The following OPTN variants were observed in gnomAD, a reference collection of about 807,000 sequenced individuals.
OPTN encodes the protein optineurin.
Under a neutral mutation model 70.4 loss-of-function variants are expected in OPTN, and 54 were observed. The observed-to-expected ratio is 0.77, with a 90% CI of 0.62 to 0.96. The LOEUF is 0.96. Among genes scored for constraint, OPTN ranks in the 40% least tolerant of loss-of-function variants. The probability of loss-of-function intolerance (pLI) is 0.00; values close to 1 mark genes in which losing one functional copy is unlikely to be tolerated. For synonymous variants in OPTN, 256 were observed against 248.5 expected (o/e 1.03, Z -0.28); for missense variants, 624 against 673.2 (o/e 0.93, Z 0.81).
Position 13,128,502 on chromosome 10 carries a change from CTTTT to C in OPTN, c.1401+628_1401+631del, listed in dbSNP as rs56147136. Reference sequence around the variant, plus strand: ...TTGTGAAGTGCCTTATCAAGCCTGCCTTTTTTTTTTTTTTTTTTTTTTTTTTTTT... The same window carrying C: ...TTGTGAAGTGCCTTATCAAGCCTGCCTTTTTTTTTTTTTTTTTTTTTTTTT... On this transcript the variant is annotated intron_variant, in intron 12 of 14. Transcript: ENST00000378747. Among the ~76,000 whole-genome samples the C allele has an allele frequency of 4.6e-3, 153 of 33,364 alleles. 2 individuals are homozygous for C. The highest frequency in any genetic ancestry group is 0.015 in the East Asian group (23 of 1,508). 21.9% of individuals were successfully genotyped at this position (33,364 alleles called of 152,430 possible). A position where few individuals can be genotyped will look rare whatever the true frequency, so the allele number is the denominator to read the frequency against.
intron 3 of OPTN, 198 bp downstream of exon 3, chr10:13,109,486 CTG>C (rs1832946253): frequency 3.4e-6 from 2 of 584,608 alleles, no homozygotes; most frequent in Non-Finnish European, 6.1e-6. Flanking sequence ...CAAGTAAAAA[CTG>C]TGTGTATCTC....
At chr10:13,133,668 A>G (rs752956079) in intron 14 of OPTN, 87 bp downstream of exon 14, 35 of 1,216,736 alleles carry the variant, frequency 2.9e-5, no homozygotes, top group Non-Finnish European at 3.8e-5. Context: ...ATTCTCTACA[A>G]TGGATTCCAA....
chr10:13,107,100 A>G (rs562325252), intron 1 of OPTN, among the ~76,000 whole-genome samples: 2 of 152,224 alleles, frequency 1.3e-5, no homozygotes, highest in African/African-American at 4.8e-5. Flanking sequence ...AAGGTCCAGG[A>G]GCAGTGGCTT....
At chr10:13,127,623 A>T in intron 11 of OPTN, 122 bp from the exon 12 acceptor site, 1 of 1,053,564 alleles carries the variant, frequency 9.5e-7, no homozygotes, top group Non-Finnish European at 1.4e-6. Flanking sequence ...TCTCAATTCT[A>T]GGCATGAGCC....
At chr10:13,136,314 T>A (rs942577118) in intron 14 of OPTN, among the ~76,000 whole-genome samples, 1 of 151,774 alleles carries the variant, frequency 6.6e-6, no homozygotes, top group African/African-American at 2.4e-5. Flanking sequence ...TCGAGACCAG[T>A]CTGGCCAACA....
chr10:13,115,462 TA>T (rs1334816940), intron 5 of OPTN, among the ~76,000 whole-genome samples: 2,381 of 106,584 alleles, frequency 0.022, 163 homozygotes, highest in African/African-American at 0.07. Context: ...CTATATTATA[TA>T]ATATAGAATA....
intron 1 of OPTN, among the ~76,000 whole-genome samples, chr10:13,104,254 C>CTTTTTTTTTTT (rs60982439): frequency 1.0e-5 from 1 of 97,840 alleles, no homozygotes; most frequent in African/African-American, 4.0e-5. Context: ...GTTTTTTTTT[C>CTTTTTTTTTTT]TTTTTTTTTT....
intron 5 of OPTN, 112 bp from the exon 6 acceptor site, chr10:13,116,155 C>A: frequency 1.3e-6 from 1 of 767,082 alleles, no homozygotes; most frequent in Non-Finnish European, 2.3e-6. Context: ...TGTTTGGAAG[C>A]TTCCTTGGGT....
At chr10:13,114,857 A>G (rs1467807242) in intron 5 of OPTN, among the ~76,000 whole-genome samples, 1 of 31,190 alleles carries the variant, frequency 3.2e-5, no homozygotes, top group African/African-American at 9.8e-5. Context: ...TGTATAATAT[A>G]TTCTACAATT....
chr10:13,132,860 A>T lies in OPTN; in HGVS notation c.1533-642A>T, dbSNP rs372874196. Among the ~76,000 whole-genome samples the T allele has an allele frequency of 2.5e-3, 385 of 151,916 alleles. 4 individuals are homozygous for T. Among genetic ancestry groups the T allele is most frequent in the South Asian group, 0.017 (83 of 4,790 alleles). On this transcript the variant is annotated intron_variant, in intron 13 of 14. Transcript: ENST00000378747. ...CAAAATTCAGAGAATAAAATAACAG[A>T]CTCTACTATGTACTCCTTCCTGCAT...
chr10:13,125,204 AG>A (rs1564364937), intron 9 of OPTN, among the ~76,000 whole-genome samples: 2 of 152,182 alleles, frequency 1.3e-5, no homozygotes, highest in African/African-American at 4.8e-5. Context: ...ACTGCATGTG[AG>A]CTTAGATCTG....
At chr10:13,116,672 C>T (rs147327149) in intron 6 of OPTN, 161 of 381,640 alleles carry the variant, frequency 4.2e-4, no homozygotes, top group African/African-American at 2.6e-3. Context: ...ATTGGTTCCC[C>T]GGTGCCATTT....
intron 12 of OPTN, among the ~76,000 whole-genome samples, chr10:13,130,238 A>G (rs1299588929): frequency 6.6e-6 from 1 of 151,978 alleles, no homozygotes; most frequent in African/African-American, 2.4e-5. Flanking sequence ...CAACCTGGCC[A>G]ATATGGTGAA....
At chr10:13,112,704 C>A (rs779954712) in intron 5 of OPTN, 69 bp downstream of exon 5, 5 of 1,452,974 alleles carry the variant, frequency 3.4e-6, no homozygotes, top group Non-Finnish European at 4.8e-6. Flanking sequence ...GAAACAAATA[C>A]CACTTTTTCT....
In OPTN at chr10:13,109,254, G is replaced by T; in HGVS notation, c.132G>T (p.Met44Ile). The T allele has an allele frequency of 1.2e-6, 2 of 1,613,992 alleles. No homozygotes were observed. The highest frequency in any genetic ancestry group is 1.6e-4 in the Middle Eastern group (1 of 6,062). The change falls in exon 3 of 15, where the codon ATG (methionine) becomes ATT (isoleucine). Residue 44 changes from methionine to isoleucine, a missense_variant. Transcript: ENST00000378747. Reference protein sequence around the residue: ...TFTPEELLQQMKELLTENHQL... With the variant: ...TFTPEELLQQIKELLTENHQL... ...CCCCGGAGGAGCTGCTGCAGCAGAT[G>T]AAAGAGCTCCTGACCGAGAACCACC...
chr10:13,133,789 TG>T (rs1833641368), intron 14 of OPTN, among the ~76,000 whole-genome samples: 1 of 152,122 alleles, frequency 6.6e-6, no homozygotes, highest in Non-Finnish European at 1.5e-5. Context: ...AGAAGGTGCC[TG>T]GCACGGCCAC....
intron 12 of OPTN, among the ~76,000 whole-genome samples, chr10:13,130,424 C>CAAAAAA (rs1178080754): frequency 9.7e-5 from 5 of 51,754 alleles, no homozygotes; most frequent in Non-Finnish European, 1.3e-4. Flanking sequence ...GACTCTATCT[C>CAAAAAA]AAAAAAAAAA....
rs1337134977 is a variant in OPTN, at chr10:13,104,593, C to T, written c.-163-3545C>T. On this transcript the variant is annotated intron_variant, in intron 1 of 14. Coordinates refer to ENST00000378747, the MANE Select transcript of OPTN (RefSeq NM_001008212.2). ...TTTATACTCATTCCAAGGCTTCTAA[C>T]ATGAGGATACTGTTTCCTCGTATTA... The T allele has an allele frequency of 7.6e-6, 5 of 660,606 alleles. No homozygotes were observed. In the African/African-American group the frequency reaches 9.0e-5, roughly 12 times the overall value. The allele number at this position is 660,606 out of a possible 1,614,324, so 40.9% of individuals were successfully genotyped here. A position where few individuals can be genotyped will look rare whatever the true frequency, so the allele number is the denominator to read the frequency against.
chr10:13,101,831 C>G (rs1426029207), intron 1 of OPTN, among the ~76,000 whole-genome samples: 1 of 152,114 alleles, frequency 6.6e-6, no homozygotes. Flanking sequence ...GGAGAAACTC[C>G]TAACAATACT....
Sources: allele counts gnomAD v4.1 joint callset (sites outside exome capture counted in the v4.1 genomes callset), GRCh38; gene constraint gnomAD v4.1.1; transcripts MANE v1.5; gene names NCBI Gene and HGNC (gene_info 2026-07-23, HGNC 2026-07-21).